The following SNX27 variants were observed in gnomAD, a reference collection of about 807,000 sequenced individuals.
SNX27 encodes sorting nexin-27.
SNX27 carries 22 observed loss-of-function variants against 71.6 expected under a neutral mutation model. That is an observed-to-expected ratio of 0.31 (90% CI 0.22 to 0.44). The LOEUF is 0.44. Among genes scored for constraint, SNX27 ranks in the 20% least tolerant of loss-of-function variants. The probability of loss-of-function intolerance (pLI) is 1.00; values close to 1 mark genes in which losing one functional copy is unlikely to be tolerated. For synonymous variants in SNX27, 269 were observed against 277.2 expected, an observed-to-expected ratio of 0.97 and a Z score of 0.29; for missense variants, 531 against 698.6, an observed-to-expected ratio of 0.76 and a Z score of 2.70.
chr1:151,651,342 C>T (rs1219385711), intron 2 of SNX27, among the ~76,000 whole-genome samples: 2 of 150,632 alleles, frequency 1.3e-5, no homozygotes, highest in Non-Finnish European at 3.0e-5. Context: ...ACCCCCCCCA[C>T]CTCCCTCCCG....
chr1:151,619,915 G>A (rs747406607), intron 1 of SNX27, among the ~76,000 whole-genome samples: 3 of 152,188 alleles, frequency 2.0e-5, no homozygotes, highest in Non-Finnish European at 4.4e-5. Flanking sequence ...TGTGTGTAAA[G>A]CTAAACGAGG....
At chr1:151,646,179 G>A (rs1309076545) in intron 2 of SNX27, among the ~76,000 whole-genome samples, 1 of 151,948 alleles carries the variant, frequency 6.6e-6, no homozygotes, top group East Asian at 1.9e-4. Flanking sequence ...GCCACTAGTA[G>A]CCATGTCACC....
rs545798577 is a variant in SNX27, at chr1:151,667,592, G to A, written c.986-880G>A. On this transcript the variant is annotated intron_variant, in intron 6 of 11. Transcript: ENST00000458013. ...TGTAATCCCAGCACTTTGGGAGGCC[G>A]AGGCGGGCGGATCACGAGGTCAGGA... is the stretch of plus-strand genomic sequence containing the variant. 2.4e-4 allele frequency among the ~76,000 whole-genome samples: 29 copies of A among 120,790 alleles called. No individual in the cohort carries two copies. In the South Asian group the frequency reaches 6.4e-3, roughly 27 times the overall value. The allele number at this position is 120,790 out of a possible 152,430, so 79.2% of individuals were successfully genotyped here. A position where few individuals can be genotyped will look rare whatever the true frequency, so the allele number is the denominator to read the frequency against.
Position 151,697,448 on chromosome 1 carries a change from G to C in SNX27, c.*3031G>C, listed in dbSNP as rs1671815574. 1 of 152,636 alleles carries C rather than the reference G, an allele frequency of 6.6e-6. No homozygotes were observed. The highest frequency in any genetic ancestry group is 1.5e-5 in the Non-Finnish European group (1 of 68,060). The allele number at this position is 152,636 out of a possible 1,614,324, so 9.5% of individuals were successfully genotyped here. A position where few individuals can be genotyped will look rare whatever the true frequency, so the allele number is the denominator to read the frequency against. On this transcript the variant is annotated 3_prime_UTR_variant, in exon 12 of 12. Coordinates refer to ENST00000458013, the MANE Select transcript of SNX27 (RefSeq NM_001330723.2). ...ACTTGGTGCTTTGGAGATTAGGTGAGGGCCCTATAGGTAGTTGGCCTGTTG... is the reference window on the plus strand; with the variant it reads ...ACTTGGTGCTTTGGAGATTAGGTGACGGCCCTATAGGTAGTTGGCCTGTTG...
chr1:151,666,327 ATGT>A (rs375294958), intron 6 of SNX27: 175 of 206,162 alleles, frequency 8.5e-4, no homozygotes, highest in Non-Finnish European at 1.4e-3. Context: ...ATTTAGCCAC[ATGT>A]TGTTTTAGTG....
intron 4 of SNX27, 141 bp downstream of exon 4, chr1:151,661,003 C>T: frequency 1.6e-6 from 1 of 644,452 alleles, no homozygotes; most frequent in Admixed American, 2.5e-5. Context: ...TATATGTATC[C>T]TACTTATCTA....
intron 2 of SNX27, among the ~76,000 whole-genome samples, chr1:151,646,904 A>AC (rs1558050377): frequency 3.3e-5 from 3 of 90,098 alleles, no homozygotes; most frequent in South Asian, 3.4e-4. Flanking sequence ...CACACACACA[A>AC]ACAAACACAC....
intron 2 of SNX27, among the ~76,000 whole-genome samples, chr1:151,653,933 A>G (rs1669557075): frequency 6.6e-6 from 1 of 151,378 alleles, no homozygotes; most frequent in African/African-American, 2.4e-5. Context: ...CCTGGGTTCA[A>G]GTGATTCTCC....
At chr1:151,681,163 A>G (rs1670926089) in intron 7 of SNX27, among the ~76,000 whole-genome samples, 1 of 151,458 alleles carries the variant, frequency 6.6e-6, no homozygotes, top group African/African-American at 2.4e-5. Flanking sequence ...TTACACAGTG[A>G]AAGGGTTTAC....
intron 6 of SNX27, among the ~76,000 whole-genome samples, chr1:151,667,653 G>A (rs901589073): frequency 5.9e-5 from 9 of 151,710 alleles, no homozygotes; most frequent in Non-Finnish European, 1.0e-4. Flanking sequence ...GTGAAACCCC[G>A]TCTCTACTAA....
At chr1:151,642,203 A>G (rs1454449242) in intron 2 of SNX27, among the ~76,000 whole-genome samples, 1 of 151,800 alleles carries the variant, frequency 6.6e-6, no homozygotes, top group Non-Finnish European at 1.5e-5. Context: ...GCTGGCCAAT[A>G]TGGTGAAACC....
Position 151,695,589 on chromosome 1 carries a change from C to T in SNX27, c.*1172C>T, listed in dbSNP as rs1671667120. On this transcript the variant is annotated 3_prime_UTR_variant, in exon 12 of 12. Coordinates refer to ENST00000458013, the MANE Select transcript of SNX27 (RefSeq NM_001330723.2). ...TGTGCACCACCACACCTGGCTAATT[C>T]TTCTTAAAATTTTTTTGTAGAGACA... 1 of 151,582 alleles carries T rather than the reference C, an allele frequency of 6.6e-6. No homozygotes were observed. Among genetic ancestry groups the T allele is most frequent in the Admixed American group, 6.6e-5 (1 of 15,186 alleles). The allele number at this position is 151,582 out of a possible 1,614,324, so 9.4% of individuals were successfully genotyped here.
rs755228871 is a variant in SNX27, at chr1:151,697,657, T to G, written c.*3240T>G. ...GCGTGGATCCCATAGGATCAAGCCCTTCTTTGCATGAAGCAGTGTTGTGAC... is the reference window on the plus strand; with the variant it reads ...GCGTGGATCCCATAGGATCAAGCCCGTCTTTGCATGAAGCAGTGTTGTGAC... On this transcript the variant is annotated 3_prime_UTR_variant, in exon 12 of 12. Coordinates refer to ENST00000458013, the MANE Select transcript of SNX27 (RefSeq NM_001330723.2). The G allele has an allele frequency of 6.5e-6, 1 of 152,884 alleles. No individual in the cohort carries two copies. Among genetic ancestry groups the G allele is most frequent in the Non-Finnish European group, 1.5e-5 (1 of 68,226 alleles). 9.5% of individuals were successfully genotyped at this position (152,884 alleles called of 1,614,324 possible). A position where few individuals can be genotyped will look rare whatever the true frequency, so the allele number is the denominator to read the frequency against.
chr1:151,683,530 C>A (rs1196803024), intron 8 of SNX27, 85 bp downstream of exon 8: 17 of 1,000,482 alleles, frequency 1.7e-5, no homozygotes, highest in Non-Finnish European at 2.4e-5. Context: ...GAAAGGATTA[C>A]AACCTGGTTA....
At chr1:151,620,125 G>C (rs932219523) in intron 1 of SNX27, among the ~76,000 whole-genome samples, 4 of 152,218 alleles carry the variant, frequency 2.6e-5, no homozygotes, top group Non-Finnish European at 4.4e-5. Flanking sequence ...TCTTAGGCTA[G>C]CAAGGGGCTT....
intron 7 of SNX27, among the ~76,000 whole-genome samples, chr1:151,670,577 A>G (rs773932526): frequency 8.5e-5 from 13 of 152,194 alleles, no homozygotes; most frequent in Non-Finnish European, 5.9e-5. Context: ...TCTTTTGGAT[A>G]TAAGCCATTT....
intron 2 of SNX27, among the ~76,000 whole-genome samples, chr1:151,651,535 G>A (rs527899137): frequency 2.7e-5 from 4 of 150,326 alleles, no homozygotes; most frequent in East Asian, 2.0e-4. Context: ...CGGGGCGGCC[G>A]GGCAGAGATG....
chr1:151,681,727 A>C (rs922256273), intron 7 of SNX27, among the ~76,000 whole-genome samples: 2 of 151,690 alleles, frequency 1.3e-5, no homozygotes, highest in Non-Finnish European at 2.9e-5. Flanking sequence ...GCCATTTCTT[A>C]TTGCTTATTT....
At chr1:151,679,846 AT>A (rs1670860510) in intron 7 of SNX27, 1 of 152,130 alleles carries the variant, frequency 6.6e-6, no homozygotes, top group African/African-American at 2.4e-5. Flanking sequence ...AAAACCAAAT[AT>A]TTTCAACACA....
Sources: gnomAD v4.1 joint callset for allele counts (sites outside exome capture counted in the v4.1 genomes callset) on GRCh38, gnomAD v4.1.1 for gene constraint, MANE v1.5 for transcripts, NCBI Gene and HGNC (gene_info 2026-07-23, HGNC 2026-07-21) for gene names.